GABRB3: variants seen among roughly 807,000 people sequenced by gnomAD.
GABRB3 encodes the protein gamma-aminobutyric acid type A receptor subunit beta3.
A neutral mutation model predicts 52.1 loss-of-function variants in GABRB3; 14 were observed. The observed-to-expected ratio is 0.27, with a 90% confidence interval of 0.18 to 0.42. The LOEUF is 0.42. GABRB3 is among the 10% of genes least tolerant of loss of function. The pLI is 1.00. For missense variants in GABRB3, 307 were observed against 609.1 expected, an observed-to-expected ratio of 0.50 and a Z score of 5.22; for synonymous variants, 260 against 232.3, an observed-to-expected ratio of 1.12 and a Z score of -1.08.
chr15:26,697,642 C>T (rs1888784342), intron 3 of GABRB3, among the ~76,000 whole-genome samples: 1 of 152,178 alleles, frequency 6.6e-6, no homozygotes, highest in African/African-American at 2.4e-5. Context: ...CATCCCACGG[C>T]TTCAGAGAGA....
At chr15:26,717,245 A>G (rs532532412) in intron 3 of GABRB3, among the ~76,000 whole-genome samples, 71 of 145,484 alleles carry the variant, frequency 4.9e-4, no homozygotes, top group Non-Finnish European at 9.4e-4. Flanking sequence ...GGGGACCTCC[A>G]CCCTATGACA....
intron 3 of GABRB3, among the ~76,000 whole-genome samples, chr15:26,683,525 T>C (rs11634050): frequency 0.63 from 95,266 of 152,084 alleles, 30,557 homozygotes; most frequent in Middle Eastern, 0.71. Context: ...ATGGACGAGA[T>C]TGACACCTTT....
intron 3 of GABRB3, among the ~76,000 whole-genome samples, chr15:26,623,683 C>T (rs544313955): frequency 2.0e-5 from 3 of 152,276 alleles, no homozygotes; most frequent in Admixed American, 6.5e-5. Context: ...CCCTATCACC[C>T]GCTTAAACTG....
At chr15:26,700,916 G>C (rs963613528) in intron 3 of GABRB3, among the ~76,000 whole-genome samples, 4 of 152,074 alleles carry the variant, frequency 2.6e-5, no homozygotes, top group African/African-American at 9.7e-5. Flanking sequence ...TTAGCCAGGC[G>C]TGGTGGCGGG....
intron 3 of GABRB3, among the ~76,000 whole-genome samples, chr15:26,623,328 T>C (rs1346931042): frequency 6.6e-6 from 1 of 152,182 alleles, no homozygotes; most frequent in Non-Finnish European, 1.5e-5. Context: ...AAGCCACTGA[T>C]AGTTTCCATG....
chr15:26,603,279 A>G (rs12594510), intron 4 of GABRB3, among the ~76,000 whole-genome samples: 47,213 of 151,872 alleles, frequency 0.31, 8,270 homozygotes, highest in East Asian at 0.79. Context: ...GTCTCTCAGT[A>G]AAGAAAAGCC....
intron 3 of GABRB3, chr15:26,642,428 C>CATATAT: frequency 2.4e-6 from 3 of 1,233,826 alleles, no homozygotes; most frequent in Non-Finnish European, 3.2e-6. Context: ...TATATGTATA[C>CATATAT]ATACATTTTC....
At chr15:26,648,772 T>A (rs184086835) in intron 3 of GABRB3, among the ~76,000 whole-genome samples, 16 of 152,276 alleles carry the variant, frequency 1.1e-4, no homozygotes, top group Non-Finnish European at 1.9e-4. Context: ...GGAGACAGAA[T>A]CACTAGTGTG....
At chr15:26,722,903 C>A (rs1480863894) in intron 3 of GABRB3, among the ~76,000 whole-genome samples, 4 of 152,216 alleles carry the variant, frequency 2.6e-5, no homozygotes, top group African/African-American at 4.8e-5. Context: ...TCCCTGCCCA[C>A]TGCTTTGCCT....
chr15:26,727,041 C>T (rs1016926907), intron 3 of GABRB3, among the ~76,000 whole-genome samples: 1 of 152,124 alleles, frequency 6.6e-6, no homozygotes, highest in Non-Finnish European at 1.5e-5. Flanking sequence ...CACCTGTAAT[C>T]CCAGCTACTA....
chr15:26,565,208 C>T (rs964655615), intron 7 of GABRB3, among the ~76,000 whole-genome samples: 7 of 150,130 alleles, frequency 4.7e-5, no homozygotes, highest in Non-Finnish European at 1.0e-4. Context: ...CTCAGTGCTC[C>T]TGACACTGCG....
chr15:26,660,379 C>G (rs1206261879), intron 3 of GABRB3, among the ~76,000 whole-genome samples: 1 of 152,140 alleles, frequency 6.6e-6, no homozygotes, highest in Non-Finnish European at 1.5e-5. Flanking sequence ...GTTAAAACCA[C>G]CGGATCTCAG....
intron 3 of GABRB3, among the ~76,000 whole-genome samples, chr15:26,724,355 G>C (rs1435336841): frequency 6.6e-6 from 1 of 152,136 alleles, no homozygotes; most frequent in Admixed American, 6.5e-5. Flanking sequence ...TTTGGAAGCT[G>C]AGTTCTTGGC....
chr15:26,593,163 C>A (rs1393880960), intron 4 of GABRB3, among the ~76,000 whole-genome samples: 1 of 152,108 alleles, frequency 6.6e-6, no homozygotes, highest in Non-Finnish European at 1.5e-5. Flanking sequence ...AAAACCTACT[C>A]AAAGGCAGAA....
chr15:26,677,447 A>G (rs530079619), intron 3 of GABRB3, among the ~76,000 whole-genome samples: 99 of 152,292 alleles, frequency 6.5e-4, no homozygotes, highest in African/African-American at 2.3e-3. Flanking sequence ...GAGAGAAAAT[A>G]CAGGAAGCCA....
At chr15:26,701,419 C>T (rs1047942109) in intron 3 of GABRB3, among the ~76,000 whole-genome samples, 2 of 152,020 alleles carry the variant, frequency 1.3e-5, no homozygotes, top group Non-Finnish European at 2.9e-5. Flanking sequence ...AGTCAATGCA[C>T]AAAAACAATT....
chr15:26,633,547 T>C (rs1892963716), intron 3 of GABRB3, among the ~76,000 whole-genome samples: 1 of 152,206 alleles, frequency 6.6e-6, no homozygotes, highest in Non-Finnish European at 1.5e-5. Flanking sequence ...AGAGACTCCA[T>C]CTTGGTTCTT....
chr15:26,686,126 A>G (rs1457722726), intron 3 of GABRB3, among the ~76,000 whole-genome samples: 1 of 151,706 alleles, frequency 6.6e-6, no homozygotes, highest in Non-Finnish European at 1.5e-5. Flanking sequence ...TATTTTTTGT[A>G]GAAACATGGG....
At chr15:26,745,391 G>A (rs1055339124) in intron 3 of GABRB3, among the ~76,000 whole-genome samples, 10 of 152,126 alleles carry the variant, frequency 6.6e-5, no homozygotes, top group Non-Finnish European at 1.0e-4. Flanking sequence ...TTTACATCTT[G>A]TGTAACTATA....
Sources: gnomAD v4.1 joint callset for allele counts (sites outside exome capture counted in the v4.1 genomes callset) on GRCh38, gnomAD v4.1.1 for gene constraint, MANE v1.5 for transcripts, NCBI Gene and HGNC (gene_info 2026-07-23, HGNC 2026-07-21) for gene names.